The following CRHBP variants were observed in gnomAD, a reference collection of about 807,000 sequenced individuals.
CRHBP encodes corticotropin-releasing hormone-binding protein.
Under a neutral mutation model 34.9 loss-of-function variants are expected in CRHBP, and 19 were observed. That is an observed-to-expected ratio of 0.55 (90% CI 0.38 to 0.80). The LOEUF (loss-of-function observed/expected upper bound fraction) is 0.80. Among genes scored for constraint, CRHBP ranks in the 30% least tolerant of loss-of-function variants. The probability of loss-of-function intolerance (pLI) is 0.00; values close to 1 mark genes in which losing one functional copy is unlikely to be tolerated. For missense variants in CRHBP, 328 were observed against 409.2 expected (o/e 0.80, Z 1.71); for synonymous variants, 154 against 153.4 (o/e 1.00, Z -0.03).
chr5:76,963,481 T>G, intron 6 of CRHBP, 21 bp downstream of exon 6: 1 of 1,573,090 alleles, frequency 6.4e-7, no homozygotes, highest in Non-Finnish European at 8.8e-7. Context: ...TCTTTGATTG[T>G]TATGTATGTG....
chr5:76,962,544 C>T (rs189033746), intron 5 of CRHBP, among the ~76,000 whole-genome samples: 93 of 150,608 alleles, frequency 6.2e-4, no homozygotes, highest in Middle Eastern at 3.4e-3. Flanking sequence ...TTTGGGAGTC[C>T]GAGGCAGGAG....
At chr5:76,968,007 GGATTT>G (rs1415817143) in intron 6 of CRHBP, among the ~76,000 whole-genome samples, 1 of 151,700 alleles carries the variant, frequency 6.6e-6, no homozygotes, top group East Asian at 1.9e-4. Flanking sequence ...GAATAAGATT[GGATTT>G]AAGAGAAGCA....
At chr5:76,975,861 T>C (rs111693024) in intron 2 of CRHBP, among the ~76,000 whole-genome samples, 3,798 of 107,086 alleles carry the variant, frequency 0.035, 153 homozygotes, top group Middle Eastern at 0.061. Context: ...CATATATATA[T>C]ACACACACAT....
chr5:76,958,397 T>C (rs942986714), intron 4 of CRHBP, among the ~76,000 whole-genome samples: 1 of 152,256 alleles, frequency 6.6e-6, no homozygotes, highest in African/African-American at 2.4e-5. Flanking sequence ...AGCTTTAAGC[T>C]GGACTCTAGT....
chr5:76,975,825 A>AAAAATATATATATATATATAT, intron 2 of CRHBP, among the ~76,000 whole-genome samples: 1 of 61,846 alleles, frequency 1.6e-5, no homozygotes, highest in African/African-American at 9.1e-5. Flanking sequence ...AAAAAAAAAA[A>AAAAATATATATATATATATAT]ATATATATAT....
downstream of CRHBP, among the ~76,000 whole-genome samples, chr5:76,971,819 C>G (rs1209028806): frequency 1.3e-5 from 2 of 152,320 alleles, no homozygotes; most frequent in East Asian, 3.9e-4. Context: ...TCTCTGTAAT[C>G]TTTCAGATCT....
chr5:76,970,640 C>G (rs919016212), downstream of CRHBP, among the ~76,000 whole-genome samples: 2 of 152,110 alleles, frequency 1.3e-5, no homozygotes, highest in African/African-American at 4.8e-5. Flanking sequence ...GGAGGTTGAA[C>G]CCTTTTCTTA....
chr5:76,954,043 C>G lies in CRHBP; in HGVS notation c.190C>G (p.Leu64Val), dbSNP rs917897891. The change falls in exon 3 of 7, where the codon CTG becomes GTG. Residue 64 changes from leucine to valine, a missense_variant. By Grantham distance (32) the Leu-to-Val change is conservative. Transcript: ENST00000274368. ...TCCTCCCCCAGGGTGCCTGGACATG[C>G]TGAGCCTCCAGGGCCAGTTCACCTT... ...YRRALRCLDM[L>V]SLQGQFTFTA... 3.1e-5 allele frequency: 50 copies of G among 1,613,344 alleles called. No individual in the cohort carries two copies. The highest frequency in any genetic ancestry group is 4.2e-5 in the Non-Finnish European group (49 of 1,179,750).
rs1258990814 is a variant in CRHBP, at chr5:76,969,113, G to A, written c.*228G>A. On this transcript the variant is annotated 3_prime_UTR_variant, in exon 7 of 7. Coordinates refer to ENST00000274368, the MANE Select transcript of CRHBP (RefSeq NM_001882.4). ...GAACACATGGCAGAAAATAACCCCTGATTGGTAGGATCATAGTTCTAAATG... is the reference window on the plus strand; with the variant it reads ...GAACACATGGCAGAAAATAACCCCTAATTGGTAGGATCATAGTTCTAAATG... 4 of 419,722 alleles carry A rather than the reference G, an allele frequency of 9.5e-6. No homozygotes were observed. The highest frequency in any genetic ancestry group is 1.7e-5 in the Non-Finnish European group (4 of 238,836). 26.0% of individuals were successfully genotyped at this position (419,722 alleles called of 1,614,324 possible).
At position 76,953,689 on chromosome 5, in the gene CRHBP, C is replaced by T. The variant is rs80240191; in HGVS notation, c.170C>T (p.Ala57Val). 3.0e-3 allele frequency: 4,767 copies of T among 1,608,314 alleles called. 15 individuals carry two copies. The highest frequency in any genetic ancestry group is 3.6e-3 in the Non-Finnish European group (4,228 of 1,177,502). The change falls in exon 2 of 7, where the codon GCT becomes GTT. Residue 57 changes from alanine to valine, a missense_variant. Ala to Val is a moderately conservative substitution (Grantham distance 64). Transcript: ENST00000274368. ...ELAGEQPYRR[A>V]LRCLDMLSLQ... ...GCTGGGGAGCAGCCGTACCGCCGCG[C>T]TCTGCGTGAGTCGAGGCTGCCCGGC... is the stretch of plus-strand genomic sequence containing the variant.
At chr5:76,955,540 C>A (rs957022722) in intron 3 of CRHBP, 113 bp from the exon 4 acceptor site, 1 of 865,366 alleles carries the variant, frequency 1.2e-6, no homozygotes, top group Non-Finnish European at 1.8e-6. Context: ...ACTGTCGATT[C>A]TCACTTATGA....
Position 76,969,127 on chromosome 5 carries a change from T to A in CRHBP, c.*242T>A. The A allele has an allele frequency of 2.6e-6, 1 of 381,032 alleles. No homozygotes were observed. The highest frequency in any genetic ancestry group is 4.7e-6 in the Non-Finnish European group (1 of 214,774). 23.6% of individuals were successfully genotyped at this position (381,032 alleles called of 1,614,324 possible). A position where few individuals can be genotyped will look rare whatever the true frequency, so the allele number is the denominator to read the frequency against. ...AAATAACCCCTGATTGGTAGGATCA[T>A]AGTTCTAAATGGAAATGTTTGTAAT... On this transcript the variant is annotated 3_prime_UTR_variant, in exon 7 of 7. Transcript: ENST00000274368.
At chr5:76,955,543 A>G (rs1263960074) in intron 3 of CRHBP, 110 bp from the exon 4 acceptor site, 1 of 890,122 alleles carries the variant, frequency 1.1e-6, no homozygotes, top group African/African-American at 1.7e-5. Context: ...GTCGATTCTC[A>G]CTTATGACTG....
chr5:76,967,439 A>C (rs919286152), intron 6 of CRHBP, among the ~76,000 whole-genome samples: 1 of 152,182 alleles, frequency 6.6e-6, no homozygotes, highest in Non-Finnish European at 1.5e-5. Flanking sequence ...TACCCATTAC[A>C]CGAGGACAAT....
intron 6 of CRHBP, among the ~76,000 whole-genome samples, chr5:76,965,234 C>A (rs1745844779): frequency 6.6e-6 from 1 of 152,138 alleles, no homozygotes; most frequent in Non-Finnish European, 1.5e-5. Flanking sequence ...TGGAACCAAT[C>A]TCCTGAGGAT....
rs1158363151 is a variant in CRHBP at position 76,975,803 on chromosome 5, CAAA to C, written n.312-541_312-539del. On this transcript the variant is annotated intron_variant and non_coding_transcript_variant, in intron 2 of 3. Coordinates refer to the CRHBP transcript ENST00000514258. ...TGGGCAACAGAGCGAGACTCTGTCTCAAAAAAAAAAAAAAAAAAAAAAATATAT... is the reference window on the plus strand; with the variant it reads ...TGGGCAACAGAGCGAGACTCTGTCTCAAAAAAAAAAAAAAAAAAAATATAT... Among the ~76,000 whole-genome samples, 77 of 35,202 alleles carry C rather than the reference CAAA, an allele frequency of 2.2e-3. 1 individual carries two copies. Among genetic ancestry groups the C allele is most frequent in the South Asian group, 0.01 (9 of 898 alleles). The allele number at this position is 35,202 out of a possible 152,430, so 23.1% of individuals were successfully genotyped here. A position where few individuals can be genotyped will look rare whatever the true frequency, so the allele number is the denominator to read the frequency against.
At chr5:76,963,766 C>T (rs191007349) in intron 6 of CRHBP, among the ~76,000 whole-genome samples, 14 of 151,914 alleles carry the variant, frequency 9.2e-5, no homozygotes, top group Non-Finnish European at 1.5e-4. Flanking sequence ...TTTCTAGAGA[C>T]TAAAGAGTTT....
In CRHBP at chr5:76,968,678, G is replaced by T. The variant is rs778493687; in HGVS notation, c.812-50G>T. 10 of 1,556,796 alleles carry T rather than the reference G, an allele frequency of 6.4e-6. No individual in the cohort carries two copies. In the South Asian group the frequency reaches 1.2e-4, roughly 19 times the overall value. ...TGATCCCGTCATTTAAATGATGACT[G>T]TGTGGTTTCTAACCTGCTGGGAAAC... On this transcript the variant is annotated intron_variant, in intron 6 of 6. Transcript: ENST00000274368.
intron 2 of CRHBP, 61 bp downstream of exon 2, chr5:76,953,755 G>T (rs377517805): frequency 6.3e-5 from 93 of 1,473,498 alleles, no homozygotes; most frequent in East Asian, 2.7e-4. Flanking sequence ...GACTCTGTGC[G>T]GGGGGCAGAG....
Sources: allele counts gnomAD v4.1 joint callset (sites outside exome capture counted in the v4.1 genomes callset), GRCh38; gene constraint gnomAD v4.1.1; transcripts MANE v1.5; gene names NCBI Gene and HGNC (gene_info 2026-07-23, HGNC 2026-07-21).